Variants in ARNT2 observed in about 807,000 individuals in gnomAD.
ARNT2 encodes aryl hydrocarbon receptor nuclear translocator 2, also known as ARNT protein 2.
In ARNT2, 36 loss-of-function variants were observed where a neutral mutation model predicts 91.7. The observed-to-expected ratio is 0.39, with a 90% confidence interval of 0.30 to 0.52. The LOEUF is 0.52. Ranked by LOEUF, ARNT2 falls within the 20% of genes least tolerant of loss-of-function variation. The pLI is 0.72. For missense variants in ARNT2, 775 were observed against 939.3 expected (o/e 0.83, Z 2.29); for synonymous variants, 365 against 347.1 (o/e 1.05, Z -0.57).
intron 8 of ARNT2, among the ~76,000 whole-genome samples, chr15:80,520,347 A>G (rs995548722): frequency 6.6e-6 from 1 of 152,150 alleles, no homozygotes; most frequent in Non-Finnish European, 1.5e-5. Context: ...CTCCAATTAC[A>G]CTGGATATTT....
At chr15:80,540,761 T>G (rs572080251) in intron 8 of ARNT2, among the ~76,000 whole-genome samples, 69 of 152,216 alleles carry the variant, frequency 4.5e-4, no homozygotes, top group Non-Finnish European at 9.6e-4. Flanking sequence ...GGCTCTCTGT[T>G]CCTGCATTAA....
chr15:80,502,216 G>C (rs1001019962), intron 5 of ARNT2, among the ~76,000 whole-genome samples: 1 of 152,222 alleles, frequency 6.6e-6, no homozygotes, highest in African/African-American at 2.4e-5. Context: ...TTGTGGTCCT[G>C]GGGGCTGTTT....
At chr15:80,523,460 TC>T in intron 8 of ARNT2, among the ~76,000 whole-genome samples, 4 of 152,270 alleles carry the variant, frequency 2.6e-5, no homozygotes, top group Admixed American at 2.6e-4. Flanking sequence ...AGGACAGGGT[TC>T]CTGGAGGAAG....
intron 1 of ARNT2, among the ~76,000 whole-genome samples, chr15:80,424,678 A>T (rs974574242): frequency 3.9e-5 from 6 of 152,006 alleles, no homozygotes; most frequent in Non-Finnish European, 8.8e-5. Context: ...TTACTGCTTC[A>T]CTATTGCCTG....
intron 11 of ARNT2, among the ~76,000 whole-genome samples, chr15:80,562,570 G>T (rs748526209): frequency 6.6e-6 from 1 of 152,182 alleles, no homozygotes; most frequent in Non-Finnish European, 1.5e-5. Context: ...CATAGAAAGT[G>T]ATCATTTCAT....
chr15:80,594,172 C>T lies in ARNT2; in HGVS notation c.*474C>T, dbSNP rs7172548. 61,111 of 156,094 alleles carry T rather than the reference C, an allele frequency of 0.39. 14,552 individuals are homozygous for T. The highest frequency in any genetic ancestry group is 0.68 in the African/African-American group (28,284 of 41,572). The allele number at this position is 156,094 out of a possible 1,614,324, so 9.7% of individuals were successfully genotyped here. ...ATGGGCAAGCAGAGTGCACAGCCCT[C>T]GTTCTGCCAGCTGGAGCCAAGAAGC... On this transcript the variant is annotated 3_prime_UTR_variant, in exon 19 of 19. Transcript: ENST00000303329.
chr15:80,473,417 A>G (rs969133825), intron 4 of ARNT2, among the ~76,000 whole-genome samples: 5 of 152,188 alleles, frequency 3.3e-5, no homozygotes, highest in African/African-American at 1.2e-4. Flanking sequence ...ATGTGAATTC[A>G]TGAGTAAAGT....
At chr15:80,452,430 C>T (rs1316460170) in intron 2 of ARNT2, among the ~76,000 whole-genome samples, 1 of 152,216 alleles carries the variant, frequency 6.6e-6, no homozygotes, top group Non-Finnish European at 1.5e-5. Context: ...ACCGCTGGGG[C>T]TTCCTGCAAA....
chr15:80,475,150 G>T lies in ARNT2; in HGVS notation c.549G>T (p.Leu183=). 6.2e-7 allele frequency: 1 copy of T among 1,614,214 alleles called. No homozygotes were observed. ...QPQSEWFGST[L]YEQVHPDDVE... Reference sequence around the variant, plus strand: ...AGTCAGAGTGGTTTGGGAGCACACTGTATGAACAGGTGCATCCTGATGACG... The same window carrying T: ...AGTCAGAGTGGTTTGGGAGCACACTTTATGAACAGGTGCATCCTGATGACG... The change falls in exon 5 of 19, where the codon CTG becomes CTT. Residue 183 remains leucine, a synonymous_variant. Transcript: ENST00000303329.
intron 8 of ARNT2, among the ~76,000 whole-genome samples, chr15:80,537,233 C>T (rs1444267095): frequency 6.6e-6 from 1 of 152,112 alleles, no homozygotes; most frequent in Non-Finnish European, 1.5e-5. Flanking sequence ...GCCATTTTTG[C>T]ATCTGTTTGT....
chr15:80,439,060 A>G (rs1452254473), intron 1 of ARNT2, among the ~76,000 whole-genome samples: 1 of 152,258 alleles, frequency 6.6e-6, no homozygotes, highest in South Asian at 2.1e-4. Flanking sequence ...TAAAATTAAT[A>G]GCTTTTACCA....
intron 6 of ARNT2, among the ~76,000 whole-genome samples, chr15:80,512,107 G>A (rs1053206051): frequency 2.0e-5 from 3 of 152,160 alleles, no homozygotes; most frequent in African/African-American, 7.2e-5. Context: ...TTTAAAATAA[G>A]TATCTATTTT....
chr15:80,492,958 T>C (rs994620589), intron 5 of ARNT2, among the ~76,000 whole-genome samples: 2 of 152,258 alleles, frequency 1.3e-5, no homozygotes, highest in Admixed American at 6.5e-5. Context: ...ATCTGTTTAC[T>C]GCTGCTATAA....
intron 8 of ARNT2, among the ~76,000 whole-genome samples, chr15:80,534,672 G>A (rs751410592): frequency 6.6e-6 from 1 of 151,988 alleles, no homozygotes; most frequent in Non-Finnish European, 1.5e-5. Flanking sequence ...CCTTTAAATG[G>A]CTGCATAATA....
rs552343821 is a variant in ARNT2 at position 80,417,901 on chromosome 15, G to A, written c.31+13355G>A. Among the ~76,000 whole-genome samples, 20 of 152,322 alleles carry A rather than the reference G, an allele frequency of 1.3e-4. 1 individual carries two copies. The highest frequency in any genetic ancestry group is 8.3e-4 in the South Asian group (4 of 4,818). On this transcript the variant is annotated intron_variant, in intron 1 of 18. Coordinates refer to ENST00000303329, the MANE Select transcript of ARNT2 (RefSeq NM_014862.4). ...GCATGACCTGGTGGACCAGGGGACC[G>A]TAGTGTGTGGGTGGCTGGTTGTTCT...
At chr15:80,564,295 C>T (rs1898431803) in intron 12 of ARNT2, among the ~76,000 whole-genome samples, 1 of 152,158 alleles carries the variant, frequency 6.6e-6, no homozygotes, top group Non-Finnish European at 1.5e-5. Flanking sequence ...TCTGAAGCCT[C>T]CAGGCGGTCA....
intron 1 of ARNT2, among the ~76,000 whole-genome samples, chr15:80,412,244 A>T (rs1485123130): frequency 6.6e-6 from 1 of 152,208 alleles, no homozygotes; most frequent in African/African-American, 2.4e-5. Flanking sequence ...GCTTTTGTAC[A>T]TTGTATGAAA....
intron 3 of ARNT2, among the ~76,000 whole-genome samples, chr15:80,465,663 C>T (rs546418823): frequency 2.0e-5 from 3 of 152,322 alleles, no homozygotes; most frequent in Admixed American, 6.5e-5. Context: ...TCATAGTATC[C>T]TGCATCAGCC....
chr15:80,578,596 G>A (rs1192816566), intron 15 of ARNT2, among the ~76,000 whole-genome samples: 1 of 151,730 alleles, frequency 6.6e-6, no homozygotes, highest in East Asian at 2.0e-4. Context: ...GTGAGGTGCA[G>A]AGCCTGGGTA....
Sources: allele counts gnomAD v4.1 joint callset (sites outside exome capture counted in the v4.1 genomes callset), GRCh38; gene constraint gnomAD v4.1.1; transcripts MANE v1.5; gene names NCBI Gene and HGNC (gene_info 2026-07-23, HGNC 2026-07-21).